Variants in PRKG1 observed in about 807,000 individuals in gnomAD.
PRKG1 encodes protein kinase cGMP-dependent 1.
In PRKG1, 35 loss-of-function variants were observed where a neutral mutation model predicts 88.1. That is an observed-to-expected ratio of 0.40 (90% CI 0.30 to 0.53). PRKG1 has a LOEUF of 0.53. Among genes scored for constraint, PRKG1 ranks in the 20% least tolerant of loss-of-function variants. PRKG1 has a pLI of 0.59. For synonymous variants in PRKG1, 303 were observed against 292.5 expected (o/e 1.04, Z -0.37); for missense variants, 540 against 839.8 (o/e 0.64, Z 4.41).
chr10:51,965,794 T>C (rs1843554126), intron 5 of PRKG1, among the ~76,000 whole-genome samples: 2 of 152,216 alleles, frequency 1.3e-5, no homozygotes. Flanking sequence ...TATTCAGATA[T>C]TTTTGTAACT....
rs1240111343 is a variant in PRKG1 at position 51,152,726 on chromosome 10, T to C, written c.312-438T>C. On this transcript the variant is annotated intron_variant, in intron 1 of 17. Coordinates refer to ENST00000373980, the MANE Select transcript of PRKG1 (RefSeq NM_006258.4). ...TTTTCTATAATTGTGTATAGTACAA[T>C]ACATCCCTGATATTCTTTTATAAAT... 2.0e-5 allele frequency among the ~76,000 whole-genome samples: 3 copies of C among 152,142 alleles called. No individual in the cohort carries two copies. The South Asian group carries it at 6.2e-4, about 32-fold the overall frequency.
chr10:51,721,574 C>G (rs886369837), intron 3 of PRKG1, among the ~76,000 whole-genome samples: 2 of 152,150 alleles, frequency 1.3e-5, no homozygotes, highest in African/African-American at 2.4e-5. Flanking sequence ...ATCTATTACT[C>G]CAAGGGAAGC....
At chr10:51,990,642 T>C (rs532467223) in intron 5 of PRKG1, among the ~76,000 whole-genome samples, 1 of 152,166 alleles carries the variant, frequency 6.6e-6, no homozygotes, top group South Asian at 2.1e-4. Context: ...TGGAGGGTTG[T>C]TGTATAGATT....
chr10:51,997,248 G>A (rs185271356), intron 5 of PRKG1, among the ~76,000 whole-genome samples: 3 of 151,910 alleles, frequency 2.0e-5, no homozygotes, highest in South Asian at 2.1e-4. Flanking sequence ...AGAGGCAGGC[G>A]GATCACGAGG....
Position 51,886,564 on chromosome 10 carries a change from C to T in PRKG1, c.699-20943C>T, listed in dbSNP as rs567116868. Among the ~76,000 whole-genome samples, 44 of 152,204 alleles carry T rather than the reference C, an allele frequency of 2.9e-4. 1 individual carries two copies. Among genetic ancestry groups the T allele is most frequent in the Admixed American group, 2.6e-3 (40 of 15,292 alleles). On this transcript the variant is annotated intron_variant, in intron 4 of 17. Coordinates refer to ENST00000373980, the MANE Select transcript of PRKG1 (RefSeq NM_006258.4). Reference sequence around the variant, plus strand: ...AAGATACAAGCTAAAGTTTAAATCACGGGCAACTTGGAGGATATTTGTCTG... The same window carrying T: ...AAGATACAAGCTAAAGTTTAAATCATGGGCAACTTGGAGGATATTTGTCTG...
intron 3 of PRKG1, among the ~76,000 whole-genome samples, chr10:51,509,730 G>A (rs1319360399): frequency 6.6e-6 from 1 of 152,112 alleles, no homozygotes; most frequent in Non-Finnish European, 1.5e-5. Context: ...TGTATATGCT[G>A]TATCATCTCA....
chr10:51,516,701 T>C (rs534901042), intron 3 of PRKG1, among the ~76,000 whole-genome samples: 127 of 152,322 alleles, frequency 8.3e-4, no homozygotes, highest in African/African-American at 2.9e-3. Context: ...TAGCTGCAAA[T>C]TTTGTCAAGT....
chr10:51,758,392 G>A (rs921599410), intron 3 of PRKG1, among the ~76,000 whole-genome samples: 7 of 152,210 alleles, frequency 4.6e-5, no homozygotes, highest in Middle Eastern at 3.4e-3. Flanking sequence ...AATAACCAAC[G>A]TTAATCATTT....
Position 52,077,602 on chromosome 10 carries a change from C to A in PRKG1, c.935+14971C>A, listed in dbSNP as rs189717069. Among the ~76,000 whole-genome samples, 5 of 152,088 alleles carry A rather than the reference C, an allele frequency of 3.3e-5. No individual in the cohort carries two copies. In the East Asian group the frequency reaches 9.6e-4, roughly 29 times the overall value. ...TTTAAATGTGCAGCTTATTTAATGT[C>A]AATTATACCTCAGTAAATCTAATAT... On this transcript the variant is annotated intron_variant, in intron 7 of 17. Coordinates refer to ENST00000373980, the MANE Select transcript of PRKG1 (RefSeq NM_006258.4).
At chr10:51,057,425 T>A (rs1323232791) in intron 1 of PRKG1, among the ~76,000 whole-genome samples, 1 of 152,190 alleles carries the variant, frequency 6.6e-6, no homozygotes, top group Non-Finnish European at 1.5e-5. Flanking sequence ...CTGTAATGCA[T>A]TGTAACACAC....
intron 3 of PRKG1, among the ~76,000 whole-genome samples, chr10:51,490,165 G>A (rs1217804860): frequency 6.6e-6 from 1 of 152,064 alleles, no homozygotes; most frequent in Non-Finnish European, 1.5e-5. Context: ...AGCTCTGACT[G>A]ATTTGAACAA....
At chr10:51,581,690 G>A (rs544511448) in intron 3 of PRKG1, among the ~76,000 whole-genome samples, 3 of 152,028 alleles carry the variant, frequency 2.0e-5, no homozygotes, top group East Asian at 3.9e-4. Context: ...AATCTTGCAT[G>A]CAATTTTATA....
chr10:51,189,351 T>C (rs1352349243), intron 2 of PRKG1, among the ~76,000 whole-genome samples: 1 of 151,912 alleles, frequency 6.6e-6, no homozygotes, highest in Non-Finnish European at 1.5e-5. Context: ...ACAAAGTAGG[T>C]ATATAGGTAA....
chr10:52,036,133 T>C (rs1424228238), intron 5 of PRKG1, among the ~76,000 whole-genome samples: 1 of 152,006 alleles, frequency 6.6e-6, no homozygotes, highest in Admixed American at 6.6e-5. Flanking sequence ...CTGTGAAGCT[T>C]TGCGGCAGTA....
intron 5 of PRKG1, among the ~76,000 whole-genome samples, chr10:52,029,530 G>A (rs1845426827): frequency 6.6e-6 from 1 of 152,312 alleles, no homozygotes; most frequent in South Asian, 2.1e-4. Context: ...AACAGGCAAA[G>A]GGAAGTACAA....
intron 1 of PRKG1, among the ~76,000 whole-genome samples, chr10:51,093,434 T>A (rs1279842766): frequency 6.6e-6 from 1 of 152,090 alleles, no homozygotes; most frequent in Non-Finnish European, 1.5e-5. Context: ...CTGTCTCTCC[T>A]TGCACTTTGC....
At chr10:51,809,774 C>T (rs1839404434) in intron 4 of PRKG1, among the ~76,000 whole-genome samples, 1 of 152,188 alleles carries the variant, frequency 6.6e-6, no homozygotes, top group Non-Finnish European at 1.5e-5. Context: ...CGTCATCCCT[C>T]TTGCATTAAA....
At chr10:51,621,568 A>G (rs535399415) in intron 3 of PRKG1, among the ~76,000 whole-genome samples, 1 of 152,182 alleles carries the variant, frequency 6.6e-6, no homozygotes, top group Admixed American at 6.5e-5. Context: ...TGCAAGTATC[A>G]TGCCAAGTTT....
At chr10:51,953,774 C>T (rs1450565482) in intron 5 of PRKG1, among the ~76,000 whole-genome samples, 2 of 150,460 alleles carry the variant, frequency 1.3e-5, no homozygotes, top group Admixed American at 6.6e-5. Context: ...TGGTGTAGTA[C>T]TTCTCAGTTG....
Sources: gnomAD v4.1 joint callset for allele counts (sites outside exome capture counted in the v4.1 genomes callset) on GRCh38, gnomAD v4.1.1 for gene constraint, MANE v1.5 for transcripts, NCBI Gene and HGNC (gene_info 2026-07-23, HGNC 2026-07-21) for gene names.